Variants in PDE9A observed in about 807,000 individuals in gnomAD.
The protein encoded by PDE9A is phosphodiesterase 9A, also known as high affinity cGMP-specific 3',5'-cyclic phosphodiesterase 9A.
In PDE9A, 60 loss-of-function variants were observed where a neutral mutation model predicts 87.4. That is an observed-to-expected ratio of 0.69 (90% CI 0.56 to 0.85). PDE9A has a LOEUF of 0.85. Ranked by LOEUF, PDE9A falls within the 40% of genes least tolerant of loss-of-function variation. The probability of loss-of-function intolerance (pLI) is 0.00; values close to 1 mark genes in which losing one functional copy is unlikely to be tolerated. For synonymous variants in PDE9A, 272 were observed against 279.4 expected, an observed-to-expected ratio of 0.97 and a Z score of 0.27; for missense variants, 665 against 779.0, an observed-to-expected ratio of 0.85 and a Z score of 1.74.
At chr21:42,706,775 C>A (rs1481288641) in intron 4 of PDE9A, among the ~76,000 whole-genome samples, 2 of 152,084 alleles carry the variant, frequency 1.3e-5, no homozygotes, top group Non-Finnish European at 2.9e-5. Flanking sequence ...GCAGTCCCCC[C>A]TCCATCCCCT....
chr21:42,711,389 T>G (rs2146463698), intron 4 of PDE9A, among the ~76,000 whole-genome samples: 1 of 152,220 alleles, frequency 6.6e-6, no homozygotes, highest in Middle Eastern at 3.4e-3. Flanking sequence ...TAACTAGGAT[T>G]ACAGGCGTTT....
Position 42,739,289 on chromosome 21 carries a change from C to T in PDE9A, c.569-4487C>T, listed in dbSNP as rs1301148705. Among the ~76,000 whole-genome samples, 1 of 152,188 alleles carries T rather than the reference C, an allele frequency of 6.6e-6. No homozygotes were observed. Among genetic ancestry groups the T allele is most frequent in the South Asian group, 2.1e-4 (1 of 4,826 alleles). ...GTCTGCAGACCTCTCAGGCTTGAGG[C>T]CCCCCGCCCCACAGGACTGGCCCGC... On this transcript the variant is annotated intron_variant, in intron 7 of 19. Transcript: ENST00000291539. The surrounding 1 kb of genome is among the most constrained non-coding windows in gnomAD (Gnocchi z 4.1).
At chr21:42,690,452 T>C (rs1012075830) in intron 3 of PDE9A, among the ~76,000 whole-genome samples, 2 of 152,058 alleles carry the variant, frequency 1.3e-5, no homozygotes, top group African/African-American at 4.8e-5. Context: ...CTTCAGATGC[T>C]CTATCTATGA....
At chr21:42,748,777 A>T (rs900267661) in intron 8 of PDE9A, among the ~76,000 whole-genome samples, 3 of 152,236 alleles carry the variant, frequency 2.0e-5, no homozygotes, top group African/African-American at 7.2e-5. Flanking sequence ...TTAAATTTTA[A>T]CCAGCGTACA....
At chr21:42,664,787 C>T (rs375638452) in intron 1 of PDE9A, among the ~76,000 whole-genome samples, 5 of 152,244 alleles carry the variant, frequency 3.3e-5, no homozygotes, top group African/African-American at 4.8e-5. Context: ...TGGGTACACA[C>T]GGCCGGGTCG....
intron 8 of PDE9A, among the ~76,000 whole-genome samples, chr21:42,750,880 C>G (rs1303371636): frequency 6.6e-6 from 1 of 152,140 alleles, no homozygotes; most frequent in African/African-American, 2.4e-5. Flanking sequence ...CCACCACGCC[C>G]AGCCCCAACA....
chr21:42,715,815 T>A (rs59158140), intron 4 of PDE9A, among the ~76,000 whole-genome samples: 3,972 of 128,332 alleles, frequency 0.031, no homozygotes, highest in East Asian at 0.11. Flanking sequence ...GGGCTGTACA[T>A]TCCCTGGGTT....
At chr21:42,708,489 G>A (rs994642307) in intron 4 of PDE9A, among the ~76,000 whole-genome samples, 1 of 152,210 alleles carries the variant, frequency 6.6e-6, no homozygotes, top group African/African-American at 2.4e-5. Flanking sequence ...ACCCACTGCT[G>A]TGTCCTGCCT....
chr21:42,681,344 G>A (rs1400392584), intron 1 of PDE9A, among the ~76,000 whole-genome samples: 1 of 152,242 alleles, frequency 6.6e-6, no homozygotes, highest in African/African-American at 2.4e-5. Context: ...TAAATAATCT[G>A]GGAGTCAGTG....
intron 4 of PDE9A, among the ~76,000 whole-genome samples, chr21:42,715,507 A>G (rs1014815720): frequency 2.3e-4 from 34 of 150,472 alleles, no homozygotes; most frequent in African/African-American, 8.0e-4. Flanking sequence ...CACACCTGTA[A>G]TGCCAACTAC....
chr21:42,769,630 A>G (rs199860183), intron 17 of PDE9A, among the ~76,000 whole-genome samples: 1 of 150,970 alleles, frequency 6.6e-6, no homozygotes, highest in African/African-American at 2.4e-5. Flanking sequence ...ACATGCACAC[A>G]CAGGCACACA....
At chr21:42,732,525 C>T (rs532192547) in intron 6 of PDE9A, among the ~76,000 whole-genome samples, 5 of 152,346 alleles carry the variant, frequency 3.3e-5, no homozygotes, top group Admixed American at 3.3e-4. Flanking sequence ...GACCTGGATA[C>T]CGTATTTTCC....
At chr21:42,687,188 T>C (rs964716450) in intron 2 of PDE9A, among the ~76,000 whole-genome samples, 3 of 152,174 alleles carry the variant, frequency 2.0e-5, no homozygotes, top group East Asian at 1.9e-4. Context: ...AGAAGGGCAA[T>C]TGAAGTTTCT....
In PDE9A at chr21:42,696,511, C is replaced by T. The variant is rs1010669185; in HGVS notation, c.219-2457C>T. ...GGGTGGCAAAGCCCCTTCCTGCTGC[C>T]CACGCAGGTCCTGGCTTTCTCTCCA... On this transcript the variant is annotated intron_variant, in intron 3 of 19. Transcript: ENST00000291539. This position sits in a 1 kb window ranked among gnomAD's most constrained non-coding sequence, Gnocchi z 5.1. Among the ~76,000 whole-genome samples the T allele has an allele frequency of 4.6e-5, 7 of 152,278 alleles. No homozygotes were observed. Among genetic ancestry groups the T allele is most frequent in the Admixed American group, 4.6e-4 (7 of 15,302 alleles).
At position 42,762,337 on chromosome 21, in the gene PDE9A, C is replaced by T. The variant is rs1425886924; in HGVS notation, c.1242+98C>T. On this transcript the variant is annotated intron_variant, in intron 14 of 19. Coordinates refer to ENST00000291539, the MANE Select transcript of PDE9A (RefSeq NM_002606.3). ...GCTGGAAGCTCCCAGAAGCTCCTGG[C>T]CACAGCAGTGCCCTGGGGACCCAAG... 2.4e-5 allele frequency: 31 copies of T among 1,309,500 alleles called. 1 individual carries two copies. In the South Asian group the frequency reaches 4.1e-4, roughly 17 times the overall value. 81.1% of individuals were successfully genotyped at this position (1,309,500 alleles called of 1,614,324 possible).
rs984923220 is a variant in PDE9A, at chr21:42,722,232, TCCAGAAGTGCTGAGATTA to T, written c.263-9536_263-9519del. Among the ~76,000 whole-genome samples, 2 of 152,142 alleles carry T rather than the reference TCCAGAAGTGCTGAGATTA, an allele frequency of 1.3e-5. No homozygotes were observed. Among genetic ancestry groups the T allele is most frequent in the Non-Finnish European group, 2.9e-5 (2 of 68,010 alleles). The stretch of plus-strand genomic sequence containing the variant: ...ACCTCATGATCCGCCCACCTCAGCC[TCCAGAAGTGCTGAGATTA>T]CAGGCGTGAGCCACCATGCCCGTCC... On this transcript the variant is annotated intron_variant, in intron 4 of 19. Coordinates refer to ENST00000291539, the MANE Select transcript of PDE9A (RefSeq NM_002606.3). The surrounding 1 kb of genome is among the most constrained non-coding windows in gnomAD (Gnocchi z 4.1).
At chr21:42,655,861 G>A (rs1405732214) in intron 1 of PDE9A, among the ~76,000 whole-genome samples, 1 of 147,078 alleles carries the variant, frequency 6.8e-6, no homozygotes, top group Non-Finnish European at 1.5e-5. Context: ...CTCCTGAGCT[G>A]CCCCCGCCCT....
At chr21:42,677,181 T>C (rs999777596) in intron 1 of PDE9A, among the ~76,000 whole-genome samples, 1 of 152,212 alleles carries the variant, frequency 6.6e-6, no homozygotes, top group Non-Finnish European at 1.5e-5. Context: ...TGTAGAATAA[T>C]TATAATGAGG....
chr21:42,766,331 CAGAG>C (rs374484809), intron 15 of PDE9A, among the ~76,000 whole-genome samples: 1 of 151,332 alleles, frequency 6.6e-6, no homozygotes, highest in African/African-American at 2.4e-5. Context: ...TCTCAGATAA[CAGAG>C]AGAGAGAGAG....
Sources: allele counts gnomAD v4.1 joint callset (sites outside exome capture counted in the v4.1 genomes callset), GRCh38; gene constraint gnomAD v4.1.1; non-coding constraint Gnocchi (gnomAD v3.1); transcripts MANE v1.5; gene names NCBI Gene and HGNC (gene_info 2026-07-23, HGNC 2026-07-21).